The following FYB1 variants were observed in gnomAD, a reference collection of about 807,000 sequenced individuals.
The protein encoded by FYB1 is FYN-binding protein 1.
Under a neutral mutation model 94.1 loss-of-function variants are expected in FYB1, and 41 were observed. The observed-to-expected ratio is 0.44, with a 90% CI of 0.34 to 0.57. FYB1 has a LOEUF of 0.57. FYB1 is among the 20% of genes least tolerant of loss of function. The pLI, the probability that FYB1 is intolerant of heterozygous loss-of-function variation, is 0.02. For missense variants in FYB1, 1,050 were observed against 976.8 expected, an observed-to-expected ratio of 1.07 and a Z score of -1.00; for synonymous variants, 367 against 353.2, an observed-to-expected ratio of 1.04 and a Z score of -0.44.
At position 39,105,831 on chromosome 5, in the gene FYB1, A is replaced by C. The variant is rs1158355265; in HGVS notation, c.*1612T>G. 6.6e-6 allele frequency: 1 copy of C among 152,114 alleles called. No homozygotes were observed. The highest frequency in any genetic ancestry group is 6.6e-5 in the Admixed American group (1 of 15,248). The allele number at this position is 152,114 out of a possible 1,614,324, so 9.4% of individuals were successfully genotyped here. ...TTAAAATATTTCATAATTGGAGGGA[A>C]TCTTTGGAGATTAGTGGCATCTAAT... On this transcript the variant is annotated 3_prime_UTR_variant, in exon 19 of 19. Transcript: ENST00000512982.
intron 1 of FYB1, among the ~76,000 whole-genome samples, chr5:39,249,649 A>G (rs780428765): frequency 8.3e-4 from 126 of 152,186 alleles, no homozygotes; most frequent in Non-Finnish European, 1.4e-3. Flanking sequence ...AAAAAAGCCT[A>G]TTGAACATAG....
chr5:39,115,644 A>G (rs1258060493), intron 16 of FYB1, among the ~76,000 whole-genome samples: 1 of 152,156 alleles, frequency 6.6e-6, no homozygotes, highest in Non-Finnish European at 1.5e-5. Context: ...GGAGGGTTAA[A>G]AAATCTTATA....
chr5:39,156,956 G>A (rs1580413087), intron 2 of FYB1, among the ~76,000 whole-genome samples: 1 of 152,210 alleles, frequency 6.6e-6, no homozygotes, highest in Non-Finnish European at 1.5e-5. Flanking sequence ...AAAAATATCT[G>A]GGAATAATGA....
At chr5:39,137,483 T>C (rs1345128501) in intron 7 of FYB1, 117 bp downstream of exon 7, 5 of 1,210,140 alleles carry the variant, frequency 4.1e-6, no homozygotes, top group Admixed American at 5.9e-5. Context: ...AATTACTCTT[T>C]AGAGAATAAT....
In FYB1 at chr5:39,131,872, AG is replaced by A. The variant is rs914924046; in HGVS notation, c.1818-1261del. On this transcript the variant is annotated intron_variant, in intron 9 of 18. Transcript: ENST00000512982. ...AGCTCCTGTTTTATTTCATGTCTAGAGCAATTATTCAACTTCCTAAAATGGC... is the reference window on the plus strand; with the variant it reads ...AGCTCCTGTTTTATTTCATGTCTAGACAATTATTCAACTTCCTAAAATGGC... 5.3e-5 allele frequency among the ~76,000 whole-genome samples: 8 copies of A among 152,158 alleles called. No homozygotes were observed. In the East Asian group the frequency reaches 1.5e-3, roughly 29 times the overall value.
intron 2 of FYB1, among the ~76,000 whole-genome samples, chr5:39,156,646 G>T (rs1743789127): frequency 1.3e-5 from 2 of 152,130 alleles, no homozygotes. Flanking sequence ...TGCAAAACGG[G>T]TGGTCACTTT....
intron 1 of FYB1, among the ~76,000 whole-genome samples, chr5:39,255,191 G>C (rs991714757): frequency 2.6e-5 from 4 of 152,268 alleles, no homozygotes; most frequent in Admixed American, 1.3e-4. Context: ...TGGATAAATG[G>C]AGGTATAAAC....
Position 39,127,779 on chromosome 5 carries a change from GTCA to G in FYB1, c.1866_1868del (p.Asp623del), listed in dbSNP as rs1390569962. 6.2e-7 allele frequency: 1 copy of G among 1,602,722 alleles called. No homozygotes were observed. Among genetic ancestry groups the G allele is most frequent in the Non-Finnish European group, 8.5e-7 (1 of 1,174,118 alleles). On this transcript the variant is annotated inframe_deletion, in exon 11 of 19. Transcript: ENST00000512982. ...CTTCCTCTTCAATCCCATCATAAAT[GTCA>G]TCATCTGGTGGTGGAGGGAATATCC...
At chr5:39,251,835 A>G (rs978411473) in intron 1 of FYB1, among the ~76,000 whole-genome samples, 4 of 152,160 alleles carry the variant, frequency 2.6e-5, no homozygotes, top group African/African-American at 7.2e-5. Context: ...TTTAAAAGGT[A>G]TGATAAAGGT....
At chr5:39,167,196 C>T (rs1230244735) in intron 2 of FYB1, among the ~76,000 whole-genome samples, 2 of 151,946 alleles carry the variant, frequency 1.3e-5, no homozygotes, top group Admixed American at 6.6e-5. Context: ...AGAGAGCGAG[C>T]GTTTTGAAAT....
At chr5:39,215,689 T>A (rs567090711) in intron 1 of FYB1, among the ~76,000 whole-genome samples, 9 of 152,334 alleles carry the variant, frequency 5.9e-5, no homozygotes, top group African/African-American at 1.4e-4. Flanking sequence ...TGGCAGAAAT[T>A]CAGTGGCAAG....
At chr5:39,121,972 A>T (rs1740158985) in intron 14 of FYB1, among the ~76,000 whole-genome samples, 1 of 152,210 alleles carries the variant, frequency 6.6e-6, no homozygotes, top group South Asian at 2.1e-4. Flanking sequence ...GAGAAGAATC[A>T]GTGAGACTGG....
At chr5:39,132,300 C>T (rs1479590653) in intron 9 of FYB1, among the ~76,000 whole-genome samples, 3 of 152,204 alleles carry the variant, frequency 2.0e-5, no homozygotes, top group Admixed American at 2.0e-4. Context: ...GCCGGCTACA[C>T]TCAGCATCTT....
At chr5:39,243,731 C>A (rs1751329177) in intron 1 of FYB1, among the ~76,000 whole-genome samples, 1 of 152,128 alleles carries the variant, frequency 6.6e-6, no homozygotes, top group East Asian at 1.9e-4. Context: ...TTACCTTGGG[C>A]AGTATGGCCA....
intron 3 of FYB1, among the ~76,000 whole-genome samples, chr5:39,148,381 G>GT (rs538508812): frequency 0.014 from 525 of 38,138 alleles, 195 homozygotes; most frequent in Non-Finnish European, 0.022. Flanking sequence ...TTATCAGCAG[G>GT]TTTTTTTTTT....
At chr5:39,265,959 C>T (rs973312918) in intron 1 of FYB1, among the ~76,000 whole-genome samples, 1 of 151,040 alleles carries the variant, frequency 6.6e-6, no homozygotes, top group Non-Finnish European at 1.5e-5. Flanking sequence ...AACCAGAAAC[C>T]CCAAACACAA....
At chr5:39,107,595 AT>A (rs1738647730) in intron 18 of FYB1, 130 bp from the exon 19 acceptor site, 2 of 476,850 alleles carry the variant, frequency 4.2e-6, no homozygotes, top group Admixed American at 8.3e-5. Context: ...GGCTCACTTT[AT>A]AAAAAATGAG....
intron 1 of FYB1, among the ~76,000 whole-genome samples, chr5:39,247,336 A>C (rs2150602138): frequency 6.6e-6 from 1 of 151,868 alleles, no homozygotes; most frequent in East Asian, 1.9e-4. Context: ...AGTATTTTAA[A>C]TTGTAACATA....
intron 1 of FYB1, among the ~76,000 whole-genome samples, chr5:39,205,060 G>C (rs1748722194): frequency 6.6e-6 from 1 of 152,124 alleles, no homozygotes; most frequent in Non-Finnish European, 1.5e-5. Flanking sequence ...CCTTCAGAGA[G>C]ATCAGAGTTG....
Sources: allele counts gnomAD v4.1 joint callset (sites outside exome capture counted in the v4.1 genomes callset), GRCh38; gene constraint gnomAD v4.1.1; transcripts MANE v1.5; gene names NCBI Gene and HGNC (gene_info 2026-07-23, HGNC 2026-07-21).